LAMA2: variants seen among roughly 807,000 people sequenced by gnomAD.
The protein encoded by LAMA2 is laminin subunit alpha-2.
LAMA2 carries 269 observed loss-of-function variants against 364.8 expected under a neutral mutation model. The observed-to-expected ratio is 0.74, with a 90% CI of 0.67 to 0.82. LAMA2 has a LOEUF of 0.82. LAMA2 is among the 40% of genes least tolerant of loss of function. LAMA2 has a pLI of 0.00. For synonymous variants in LAMA2, 1,379 were observed against 1,370.6 expected (o/e 1.01, Z -0.14); for missense variants, 3,807 against 3,873.2 (o/e 0.98, Z 0.45).
intron 4 of LAMA2, among the ~76,000 whole-genome samples, chr6:129,102,357 G>A (rs761794077): frequency 6.6e-6 from 1 of 151,726 alleles, no homozygotes; most frequent in Non-Finnish European, 1.5e-5. Context: ...GGATGGTCTC[G>A]ATCTCTTGAC....
chr6:129,514,408 C>T lies in LAMA2; in HGVS notation c.9024C>T (p.Phe3008=). The change falls in exon 64 of 65, where the codon TTC becomes TTT. Residue 3008 remains phenylalanine (F), a synonymous_variant. Transcript: ENST00000421865. ...MFHVDNGAGR[F]TAVYDAGVPG... is the part of the protein sequence containing the mutation. ...ATGTGGACAATGGTGCGGGCAGATT[C>T]ACTGCTGTCTATGATGCTGGGGTTC... 1 of 1,613,900 alleles carries T rather than the reference C, an allele frequency of 6.2e-7. No homozygotes were observed. Among genetic ancestry groups the T allele is most frequent in the Non-Finnish European group, 8.5e-7 (1 of 1,179,884 alleles).
At chr6:129,193,817 A>C (rs1372750410) in intron 12 of LAMA2, among the ~76,000 whole-genome samples, 2 of 152,218 alleles carry the variant, frequency 1.3e-5, no homozygotes, top group Non-Finnish European at 2.9e-5. Context: ...TTCTTGCATG[A>C]CATGTGAGTA....
chr6:129,088,652 A>AG (rs376306602), intron 3 of LAMA2, among the ~76,000 whole-genome samples: 17,190 of 149,812 alleles, frequency 0.11, 1,012 homozygotes, highest in Middle Eastern at 0.15. Context: ...TGCCGGGCGG[A>AG]GGGGCTCCTC....
intron 12 of LAMA2, among the ~76,000 whole-genome samples, chr6:129,206,221 A>G (rs1782667828): frequency 1.3e-5 from 2 of 152,088 alleles, no homozygotes; most frequent in South Asian, 4.1e-4. Context: ...TATGACTACT[A>G]TTTGTCTTTT....
intron 29 of LAMA2, among the ~76,000 whole-genome samples, chr6:129,328,659 C>T (rs1775447400): frequency 6.6e-6 from 1 of 152,192 alleles, no homozygotes; most frequent in Admixed American, 6.5e-5. Flanking sequence ...CACCAGAAGA[C>T]ATACCTATTT....
chr6:129,472,156 A>G (rs1783843884), intron 51 of LAMA2, among the ~76,000 whole-genome samples: 1 of 152,000 alleles, frequency 6.6e-6, no homozygotes, highest in South Asian at 2.1e-4. Context: ...TTAACTTTGT[A>G]TAACCCAGTA....
At chr6:129,076,325 A>G (rs1773629493) in intron 3 of LAMA2, among the ~76,000 whole-genome samples, 1 of 150,930 alleles carries the variant, frequency 6.6e-6, no homozygotes, top group Non-Finnish European at 1.5e-5. Context: ...CAGCTATGGC[A>G]ATGCAGATGC....
chr6:129,048,621 TCTC>T (rs1787769964), intron 1 of LAMA2, among the ~76,000 whole-genome samples: 1 of 149,578 alleles, frequency 6.7e-6, no homozygotes, highest in Non-Finnish European at 1.5e-5. Flanking sequence ...TCTCTCTCTC[TCTC>T]TCTCTTTCTT....
intron 4 of LAMA2, among the ~76,000 whole-genome samples, chr6:129,129,880 C>T (rs113901375): frequency 0.038 from 5,651 of 146,808 alleles, 388 homozygotes; most frequent in African/African-American, 0.14. Context: ...GCCGAGATCC[C>T]GCCACTGCAC....
chr6:129,173,739 G>T (rs1041673868), intron 9 of LAMA2, among the ~76,000 whole-genome samples: 2 of 152,188 alleles, frequency 1.3e-5, no homozygotes, highest in African/African-American at 4.8e-5. Flanking sequence ...AGGAAAGAGT[G>T]TAAGATGTGG....
chr6:129,095,987 T>C (rs1775161585), intron 3 of LAMA2, among the ~76,000 whole-genome samples: 1 of 152,114 alleles, frequency 6.6e-6, no homozygotes, highest in Admixed American at 6.5e-5. Context: ...TTAGTTATTC[T>C]TCTTCTTTAT....
At chr6:129,494,711 T>C (rs1205376293) in intron 58 of LAMA2, among the ~76,000 whole-genome samples, 1 of 152,186 alleles carries the variant, frequency 6.6e-6, no homozygotes, top group Non-Finnish European at 1.5e-5. Flanking sequence ...GTTGATTTCA[T>C]CCTAAAGCAT....
chr6:129,117,600 G>A (rs1471753862), intron 4 of LAMA2, among the ~76,000 whole-genome samples: 3 of 152,118 alleles, frequency 2.0e-5, no homozygotes, highest in East Asian at 1.9e-4. Flanking sequence ...GCAGAGAGGC[G>A]GCCCGTTGCC....
At chr6:129,090,001 C>A (rs1774718497) in intron 3 of LAMA2, among the ~76,000 whole-genome samples, 1 of 152,056 alleles carries the variant, frequency 6.6e-6, no homozygotes, top group African/African-American at 2.4e-5. Context: ...AACCATTTAT[C>A]AAGATAATTA....
intron 3 of LAMA2, among the ~76,000 whole-genome samples, chr6:129,071,938 G>T (rs1248814698): frequency 6.6e-6 from 1 of 152,016 alleles, no homozygotes; most frequent in Non-Finnish European, 1.5e-5. Flanking sequence ...GACCAGTGTG[G>T]GCAACGTGGT....
intron 3 of LAMA2, among the ~76,000 whole-genome samples, chr6:129,092,546 AT>A (rs1774907243): frequency 6.6e-6 from 1 of 152,230 alleles, no homozygotes. Context: ...GTACATGGAA[AT>A]GTTAAAATCC....
chr6:129,341,405 T>C (rs1307226511), intron 29 of LAMA2, among the ~76,000 whole-genome samples: 1 of 152,234 alleles, frequency 6.6e-6, no homozygotes, highest in African/African-American at 2.4e-5. Flanking sequence ...CTCCAAATCC[T>C]GTCTTATAAA....
At chr6:129,240,891 T>C (rs1785354577) in intron 12 of LAMA2, among the ~76,000 whole-genome samples, 2 of 152,210 alleles carry the variant, frequency 1.3e-5, no homozygotes, top group Admixed American at 6.6e-5. Flanking sequence ...GACTTAAATA[T>C]TGATTTTTCT....
Position 129,349,285 on chromosome 6 carries a change from C to T in LAMA2, c.4437-13C>T. 6 of 1,609,998 alleles carry T rather than the reference C, an allele frequency of 3.7e-6. No homozygotes were observed. Among genetic ancestry groups the T allele is most frequent in the Non-Finnish European group, 5.1e-6 (6 of 1,176,508 alleles). On this transcript the variant is annotated splice_polypyrimidine_tract_variant and intron_variant, in intron 30 of 64. Transcript: ENST00000421865. ...ATTAAACTTTTTTTGCAATCCTTTT[C>T]TTTCTGATTCAGTTTCAGCCCCTCT...
Sources: allele counts gnomAD v4.1 joint callset (sites outside exome capture counted in the v4.1 genomes callset), GRCh38; gene constraint gnomAD v4.1.1; transcripts MANE v1.5; gene names NCBI Gene and HGNC (gene_info 2026-07-23, HGNC 2026-07-21).